BCKDHB: variants seen among roughly 807,000 people sequenced by gnomAD.
The protein encoded by BCKDHB is 2-oxoisovalerate dehydrogenase subunit beta, mitochondrial.
Under a neutral mutation model 48.5 loss-of-function variants are expected in BCKDHB, and 41 were observed. The observed-to-expected ratio is 0.85, with a 90% CI of 0.66 to 1.10. The LOEUF (loss-of-function observed/expected upper bound fraction) is 1.10. Among genes scored for constraint, BCKDHB ranks in the 50% least tolerant of loss-of-function variants. BCKDHB has a pLI of 0.00. For synonymous variants in BCKDHB, 201 were observed against 174.8 expected (o/e 1.15, Z -1.18); for missense variants, 496 against 494.2 (o/e 1.00, Z -0.03).
chr6:80,224,377 T>C (rs1450005423), intron 8 of BCKDHB, among the ~76,000 whole-genome samples: 1 of 152,050 alleles, frequency 6.6e-6, no homozygotes, highest in East Asian at 1.9e-4. Context: ...TCATTATCTA[T>C]AAAAGAGAGA....
intron 8 of BCKDHB, among the ~76,000 whole-genome samples, chr6:80,253,280 G>T (rs1292262263): frequency 2.0e-5 from 3 of 152,146 alleles, no homozygotes; most frequent in South Asian, 4.1e-4. Flanking sequence ...GTAAATTTTT[G>T]TGTGTGCAAA....
intron 8 of BCKDHB, among the ~76,000 whole-genome samples, chr6:80,261,873 A>G (rs1468459346): frequency 3.9e-5 from 6 of 152,036 alleles, no homozygotes; most frequent in Non-Finnish European, 8.8e-5. Context: ...TATTAGCTTT[A>G]GTCTATGTTT....
the BCKDHB span, among the ~76,000 whole-genome samples, chr6:80,461,892 A>G: frequency 6.6e-6 from 1 of 152,166 alleles, no homozygotes; most frequent in Non-Finnish European, 1.5e-5. Flanking sequence ...AAGCAAAGAA[A>G]TGAGGAGTTT....
chr6:80,427,615 T>C, the BCKDHB span, among the ~76,000 whole-genome samples: 1 of 152,198 alleles, frequency 6.6e-6, no homozygotes, highest in Non-Finnish European at 1.5e-5. Context: ...TTTCCTTTAA[T>C]ATTTCTTTTT....
chr6:80,309,591 G>GTTTC (rs1231708253), intron 9 of BCKDHB, among the ~76,000 whole-genome samples: 1 of 87,574 alleles, frequency 1.1e-5, no homozygotes, highest in South Asian at 4.0e-4. Context: ...TTTTTTGTTT[G>GTTTC]TTTGTTTGTT....
chr6:80,202,493 G>A (rs1423816838), intron 7 of BCKDHB, among the ~76,000 whole-genome samples: 2 of 151,950 alleles, frequency 1.3e-5, no homozygotes, highest in African/African-American at 4.8e-5. Flanking sequence ...TTGTAGCTGT[G>A]AGTTCTATTC....
chr6:80,238,674 A>G (rs2127906168), intron 8 of BCKDHB, among the ~76,000 whole-genome samples: 1 of 152,174 alleles, frequency 6.6e-6, no homozygotes, highest in African/African-American at 2.4e-5. Flanking sequence ...ATATGTATAC[A>G]TGTACCATGC....
At chr6:80,149,148 A>C (rs1202433107) in intron 3 of BCKDHB, among the ~76,000 whole-genome samples, 1 of 152,184 alleles carries the variant, frequency 6.6e-6, no homozygotes, top group Non-Finnish European at 1.5e-5. Flanking sequence ...ACCCCATCAA[A>C]AAGTGGGCGA....
intron 1 of BCKDHB, among the ~76,000 whole-genome samples, chr6:80,120,296 A>G (rs573917447): frequency 6.6e-6 from 1 of 151,200 alleles, no homozygotes; most frequent in South Asian, 2.1e-4. Context: ...AGTCTTTGCT[A>G]TTGTGAATAG....
At chr6:80,227,797 A>G (rs544028111) in intron 8 of BCKDHB, among the ~76,000 whole-genome samples, 44 of 152,308 alleles carry the variant, frequency 2.9e-4, no homozygotes, top group Admixed American at 2.0e-3. Context: ...AAAAATTATA[A>G]TAATCTACTA....
At chr6:80,460,505 A>C in the BCKDHB span, among the ~76,000 whole-genome samples, 1 of 152,168 alleles carries the variant, frequency 6.6e-6, no homozygotes, top group African/African-American at 2.4e-5. Context: ...AAGAATGCCC[A>C]AGCATTGGCT....
chr6:80,162,271 A>T (rs1256643016), intron 3 of BCKDHB, among the ~76,000 whole-genome samples: 1 of 152,140 alleles, frequency 6.6e-6, no homozygotes, highest in Non-Finnish European at 1.5e-5. Flanking sequence ...TACTGAAAGG[A>T]TAGATGCCAC....
intron 9 of BCKDHB, among the ~76,000 whole-genome samples, chr6:80,340,483 C>A (rs369717272): frequency 2.0e-5 from 3 of 152,190 alleles, no homozygotes; most frequent in Non-Finnish European, 4.4e-5. Context: ...AGACCATAAA[C>A]GAACACTCCC....
At chr6:80,408,273 T>G in the BCKDHB span, among the ~76,000 whole-genome samples, 1 of 152,190 alleles carries the variant, frequency 6.6e-6, no homozygotes, top group African/African-American at 2.4e-5. Context: ...TTCTTGAGGA[T>G]TTTTGCATCA....
chr6:80,262,301 G>T (rs1473995219), intron 8 of BCKDHB, among the ~76,000 whole-genome samples: 1 of 152,122 alleles, frequency 6.6e-6, no homozygotes, highest in Admixed American at 6.6e-5. Context: ...TATTTAGTAT[G>T]ATGCCCTGGC....
intron 6 of BCKDHB, among the ~76,000 whole-genome samples, chr6:80,188,332 A>G (rs904166829): frequency 2.6e-5 from 4 of 152,162 alleles, no homozygotes; most frequent in Non-Finnish European, 5.9e-5. Context: ...AAAAGAGAAC[A>G]ACAGACACTG....
Position 80,128,352 on chromosome 6 carries a change from T to TG in BCKDHB, c.274+729dup, listed in dbSNP as rs1273678733. ...ATCTTGATTTGTTTTGAATGCTACT[T>TG]GCGGATGATTGAACTAGAGAAGTAA... On this transcript the variant is annotated intron_variant, in intron 2 of 9. Transcript: ENST00000320393. Among the ~76,000 whole-genome samples, 4 of 152,182 alleles carry TG rather than the reference T, an allele frequency of 2.6e-5. No homozygotes were observed. In the East Asian group the frequency reaches 7.7e-4, roughly 29 times the overall value.
chr6:80,239,384 A>G (rs1256158445), intron 8 of BCKDHB, among the ~76,000 whole-genome samples: 1 of 151,950 alleles, frequency 6.6e-6, no homozygotes, highest in Admixed American at 6.6e-5. Context: ...GTGTCTGTTG[A>G]CTGCATAAAT....
At chr6:80,144,549 G>A (rs1174616254) in intron 3 of BCKDHB, among the ~76,000 whole-genome samples, 4 of 152,096 alleles carry the variant, frequency 2.6e-5, no homozygotes, top group Non-Finnish European at 5.9e-5. Context: ...CCTGGATCTT[G>A]GGAACTTCCA....
Sources: gnomAD v4.1 joint callset for allele counts (sites outside exome capture counted in the v4.1 genomes callset) on GRCh38, gnomAD v4.1.1 for gene constraint, MANE v1.5 for transcripts, NCBI Gene and HGNC (gene_info 2026-07-23, HGNC 2026-07-21) for gene names.